ANK3: variants seen among roughly 807,000 people sequenced by gnomAD.
ANK3 encodes ankyrin 3.
ANK3 carries 57 observed loss-of-function variants against 370.9 expected under a neutral mutation model. The ratio of observed to expected loss-of-function variants is 0.15; its 90% CI spans 0.12 to 0.19. The LOEUF (loss-of-function observed/expected upper bound fraction) is 0.19, where lower values mean the gene tolerates loss of function less well. Among genes scored for constraint, ANK3 ranks in the 10% least tolerant of loss-of-function variants. The probability of loss-of-function intolerance (pLI) is 1.00; values close to 1 mark genes in which losing one functional copy is unlikely to be tolerated. For missense variants in ANK3, 4,439 were observed against 5,302.1 expected, an observed-to-expected ratio of 0.84 and a Z score of 5.06; for synonymous variants, 1,929 against 1,946.3, an observed-to-expected ratio of 0.99 and a Z score of 0.23.
At chr10:60,079,223 A>ACACACACACACACACC (rs1564852491) in intron 36 of ANK3, among the ~76,000 whole-genome samples, 1 of 147,550 alleles carries the variant, frequency 6.8e-6, no homozygotes, top group Non-Finnish European at 1.5e-5. Context: ...ACACACACAC[A>ACACACACACACACACC]CACCCCTCTT....
chr10:60,124,182 G>C (rs1590352127), intron 25 of ANK3, among the ~76,000 whole-genome samples: 1 of 152,144 alleles, frequency 6.6e-6, no homozygotes, highest in East Asian at 1.9e-4. Context: ...TTTTGAGACA[G>C]AGTCTCACTC....
chr10:60,255,916 G>T (rs2097728067), intron 7 of ANK3, among the ~76,000 whole-genome samples: 1 of 152,160 alleles, frequency 6.6e-6, no homozygotes, highest in African/African-American at 2.4e-5. Context: ...TGGTTAAGAG[G>T]CCTGGACTCT....
intron 23 of ANK3, chr10:60,146,036 A>G: frequency 6.7e-7 from 1 of 1,481,818 alleles, no homozygotes; most frequent in Non-Finnish European, 9.1e-7. Flanking sequence ...TCAAAAAATG[A>G]ATAAAATTAA....
At chr10:60,509,901 A>G (rs1326830292) in intron 2 of ANK3, among the ~76,000 whole-genome samples, 2 of 152,072 alleles carry the variant, frequency 1.3e-5, no homozygotes, top group Non-Finnish European at 2.9e-5. Context: ...AATACACATA[A>G]CATAACCTTC....
At chr10:60,434,147 C>T (rs907835395) in intron 2 of ANK3, among the ~76,000 whole-genome samples, 1 of 152,184 alleles carries the variant, frequency 6.6e-6, no homozygotes, top group African/African-American at 2.4e-5. Context: ...TATGGAATAT[C>T]AAAAATGTGT....
intron 1 of ANK3, among the ~76,000 whole-genome samples, chr10:60,657,848 A>G (rs1028162145): frequency 2.0e-5 from 3 of 151,482 alleles, no homozygotes; most frequent in Non-Finnish European, 2.9e-5. Context: ...GATTATATCT[A>G]TTTATTCCTT....
In ANK3 at chr10:60,075,838, T is replaced by G; in HGVS notation, c.5043A>C (p.Pro1681=). ...AAATGACATCAACTGCTGATTTAAC[T>G]GGAGACACCACTGACTTTAAAGGTG... The part of the protein sequence containing the change: ...ISSPLKSVVS[P]VKSAVDVISS... Residue 1681 remains proline (P), a synonymous_variant, in exon 37 of 44, where the codon CCA becomes CCC. Coordinates refer to ENST00000280772, the MANE Select transcript of ANK3 (RefSeq NM_020987.5). The G allele has an allele frequency of 1.9e-6, 3 of 1,614,176 alleles. No individual in the cohort carries two copies. The highest frequency in any genetic ancestry group is 1.7e-6 in the Non-Finnish European group (2 of 1,180,010).
chr10:60,380,452 A>G (rs1262920722), intron 1 of ANK3, among the ~76,000 whole-genome samples: 1 of 152,190 alleles, frequency 6.6e-6, no homozygotes, highest in Non-Finnish European at 1.5e-5. Context: ...TGGGGTTTGA[A>G]TTACAGCTTT....
intron 23 of ANK3, among the ~76,000 whole-genome samples, chr10:60,145,656 A>G (rs957760383): frequency 6.6e-6 from 1 of 152,236 alleles, no homozygotes; most frequent in Non-Finnish European, 1.5e-5. Context: ...AAATACTCCA[A>G]GATTACTTAG....
chr10:60,036,370 T>C (rs1037195791), intron 43 of ANK3, among the ~76,000 whole-genome samples: 1 of 150,462 alleles, frequency 6.6e-6, no homozygotes, highest in Non-Finnish European at 1.5e-5. Context: ...TATTGAGTGC[T>C]TACTAAGGAG....
intron 7 of ANK3, among the ~76,000 whole-genome samples, chr10:60,237,572 A>G (rs1401989374): frequency 1.3e-5 from 2 of 151,488 alleles, no homozygotes; most frequent in Non-Finnish European, 2.9e-5. Flanking sequence ...AGATGACAAA[A>G]AGGTGCCTTG....
chr10:60,076,671 T>A (rs2083910732), intron 36 of ANK3, among the ~76,000 whole-genome samples: 1 of 150,474 alleles, frequency 6.6e-6, no homozygotes. Context: ...AACAACTAAA[T>A]AAAAAACAGA....
Position 60,075,643 on chromosome 10 carries a change from A to G in ANK3, c.5238T>C (p.Ser1746=), listed in dbSNP as rs1418067646. The G allele has an allele frequency of 3.1e-6, 5 of 1,614,168 alleles. No individual in the cohort carries two copies. Among genetic ancestry groups the G allele is most frequent in the Non-Finnish European group, 3.4e-6 (4 of 1,180,004 alleles). ...KATATLQEKI[S]SATNSVSSVV... is the part of the protein sequence containing the mutation. ...CAGAGCTCACAGAGTTTGTAGCAGA[A>G]GAAATTTTTTCCTGTAACGTGGCAG... The change falls in exon 37 of 44, where the codon TCT becomes TCC. Residue 1746 remains serine (S), a synonymous_variant. Transcript: ENST00000280772.
chr10:60,072,780 G>A lies in ANK3; in HGVS notation c.8101C>T (p.Pro2701Ser). Residue 2701 changes from proline (P) to serine (S), a missense_variant, in exon 37 of 44, where the codon CCA (proline) becomes TCA (serine). Around this residue, in one of 13 missense-constraint regions of ANK3, gnomAD observed 1,601 missense variants for 1,731.7 expected, o/e 0.92. Coordinates refer to ENST00000280772, the MANE Select transcript of ANK3 (RefSeq NM_020987.5). ...TGGAATCCAGACTGGGGCCCATCTG[G>A]TGCTTTGCTCTGTGAAATACTTCCT... ...AKGSISQSKA[P>S]DGPQSGFQLK... The A allele has an allele frequency of 1.9e-6, 3 of 1,614,106 alleles. No homozygotes were observed. The highest frequency in any genetic ancestry group is 1.7e-6 in the Non-Finnish European group (2 of 1,179,992).
At chr10:60,705,648 A>C (rs1205874565) in intron 1 of ANK3, among the ~76,000 whole-genome samples, 1 of 152,028 alleles carries the variant, frequency 6.6e-6, no homozygotes, top group East Asian at 1.9e-4. Context: ...CCCACAAAAT[A>C]TGAATGTACA....
intron 26 of ANK3, 56 bp from the exon 27 acceptor site, chr10:60,109,110 C>G: frequency 7.2e-7 from 1 of 1,379,740 alleles, no homozygotes; most frequent in Non-Finnish European, 1.0e-6. Context: ...GTGCTCACAG[C>G]AAGTTTGGAA....
chr10:60,086,157 T>C (rs2086639256), intron 30 of ANK3, among the ~76,000 whole-genome samples: 4 of 152,206 alleles, frequency 2.6e-5, no homozygotes, highest in African/African-American at 9.7e-5. Flanking sequence ...TATCACAAAA[T>C]GTGTTCTTCT....
intron 14 of ANK3, 81 bp from the exon 15 acceptor site, chr10:60,196,706 A>C (rs2096592536): frequency 1.1e-5 from 9 of 854,242 alleles, no homozygotes; most frequent in Non-Finnish European, 1.7e-5. Flanking sequence ...CCAAACAACA[A>C]ACAAACAAAA....
rs550499668 is a variant in ANK3 at position 60,290,682 on chromosome 10, C to T, written c.115-11043G>A. The stretch of plus-strand genomic sequence containing the variant: ...TCCCTGAAAATGAGGTCACTGACCC[C>T]TAACACATGTTAGGCATGGTTAGCA... On this transcript the variant is annotated intron_variant, in intron 1 of 43. Transcript: ENST00000280772. 1.1e-4 allele frequency among the ~76,000 whole-genome samples: 17 copies of T among 152,256 alleles called. 1 individual carries two copies. In the South Asian group the frequency reaches 3.5e-3, roughly 32 times the overall value.
Sources: gnomAD v4.1 joint callset for allele counts (sites outside exome capture counted in the v4.1 genomes callset) on GRCh38, gnomAD v4.1.1 for gene constraint, gnomAD v4.1.1 regional missense constraint, MANE v1.5 for transcripts, NCBI Gene and HGNC (gene_info 2026-07-23, HGNC 2026-07-21) for gene names.